CEP112: variants seen among roughly 807,000 people sequenced by gnomAD.
CEP112 encodes centrosomal protein 112.
Under a neutral mutation model 153.0 loss-of-function variants are expected in CEP112, and 127 were observed. The ratio of observed to expected loss-of-function variants is 0.83; its 90% CI spans 0.72 to 0.96. CEP112 has a LOEUF of 0.96. Ranked by LOEUF, CEP112 falls within the 40% of genes least tolerant of loss-of-function variation. The pLI, the probability that CEP112 is intolerant of heterozygous loss-of-function variation, is 0.00. For missense variants in CEP112, 1,089 were observed against 1,101.2 expected (o/e 0.99, Z 0.16); for synonymous variants, 358 against 374.4 (o/e 0.96, Z 0.51).
intron 18 of CEP112, among the ~76,000 whole-genome samples, chr17:65,958,111 G>A (rs370402313): frequency 3.7e-4 from 56 of 152,010 alleles, no homozygotes; most frequent in African/African-American, 1.3e-3. Context: ...TACTTCTTTG[G>A]GGTTCCAGGT....
At chr17:65,802,978 C>T (rs1318784044) in intron 21 of CEP112, among the ~76,000 whole-genome samples, 1 of 152,214 alleles carries the variant, frequency 6.6e-6, no homozygotes, top group Non-Finnish European at 1.5e-5. Context: ...AATGACACCA[C>T]TTGAAATCTA....
chr17:65,980,904 A>G (rs1274759172), intron 17 of CEP112, among the ~76,000 whole-genome samples: 1 of 152,064 alleles, frequency 6.6e-6, no homozygotes, highest in Non-Finnish European at 1.5e-5. Flanking sequence ...CAGCCTCCCA[A>G]GTAGCTGGGA....
At chr17:65,822,274 C>T (rs999393428) in intron 21 of CEP112, among the ~76,000 whole-genome samples, 10 of 151,856 alleles carry the variant, frequency 6.6e-5, no homozygotes, top group African/African-American at 2.4e-4. Context: ...AGATGTATGG[C>T]GTAGGACACA....
chr17:66,148,783 T>C (rs192396382), intron 4 of CEP112, among the ~76,000 whole-genome samples: 17 of 152,308 alleles, frequency 1.1e-4, no homozygotes, highest in African/African-American at 3.6e-4. Flanking sequence ...ACATATAAGA[T>C]CATGTCTGTG....
chr17:66,167,756 T>C (rs2072041182), intron 4 of CEP112, among the ~76,000 whole-genome samples: 1 of 152,234 alleles, frequency 6.6e-6, no homozygotes, highest in African/African-American at 2.4e-5. Flanking sequence ...GATCCATCAC[T>C]GGAAAAGTCA....
intron 23 of CEP112, among the ~76,000 whole-genome samples, chr17:65,703,284 G>A (rs183353907): frequency 1.1e-4 from 16 of 152,098 alleles, no homozygotes; most frequent in South Asian, 4.2e-4. Flanking sequence ...AGGCTGAGGC[G>A]GGTGGATCAT....
intron 18 of CEP112, among the ~76,000 whole-genome samples, chr17:65,934,188 CA>C (rs912589716): frequency 6.3e-4 from 88 of 139,974 alleles, no homozygotes; most frequent in Non-Finnish European, 9.3e-4. Context: ...GACTCTGTCT[CA>C]AAAAAAAAAA....
intron 24 of CEP112, among the ~76,000 whole-genome samples, chr17:65,653,704 C>A (rs2045905762): frequency 6.6e-6 from 1 of 152,044 alleles, no homozygotes. Context: ...GAGGGATGGG[C>A]CTTTATGCAG....
At chr17:66,014,569 A>T (rs1254968346) in intron 16 of CEP112, among the ~76,000 whole-genome samples, 1 of 152,076 alleles carries the variant, frequency 6.6e-6, no homozygotes, top group African/African-American at 2.4e-5. Context: ...TCCTGCCCCA[A>T]CCATCTCTCT....
At chr17:66,112,308 TA>T (rs1254939081) in intron 6 of CEP112, among the ~76,000 whole-genome samples, 3 of 150,146 alleles carry the variant, frequency 2.0e-5, no homozygotes, top group African/African-American at 7.4e-5. Flanking sequence ...ATAAAAAAAT[TA>T]AAAAAACAAT....
intron 1 of CEP112, among the ~76,000 whole-genome samples, chr17:66,183,837 G>A (rs2072818437): frequency 6.6e-6 from 1 of 151,810 alleles, no homozygotes; most frequent in Admixed American, 6.6e-5. Context: ...ATGAATCACA[G>A]ACCTAAGTGT....
chr17:65,866,252 T>C (rs1435507226), intron 20 of CEP112, among the ~76,000 whole-genome samples: 1 of 152,184 alleles, frequency 6.6e-6, no homozygotes, highest in Non-Finnish European at 1.5e-5. Flanking sequence ...CCAGGTGCTG[T>C]TGCAGCCTGG....
At chr17:65,930,105 T>C (rs2061070058) in intron 18 of CEP112, among the ~76,000 whole-genome samples, 1 of 152,240 alleles carries the variant, frequency 6.6e-6, no homozygotes, top group African/African-American at 2.4e-5. Context: ...TACCACTGGC[T>C]ACTTTATATT....
At chr17:66,031,236 T>C (rs994520234) in intron 12 of CEP112, among the ~76,000 whole-genome samples, 2 of 152,224 alleles carry the variant, frequency 1.3e-5, no homozygotes, top group Admixed American at 1.3e-4. Flanking sequence ...GCGTATTCAT[T>C]AACTGGAAGA....
intron 19 of CEP112, among the ~76,000 whole-genome samples, chr17:65,915,262 T>A (rs995067978): frequency 1.3e-5 from 2 of 152,124 alleles, no homozygotes; most frequent in African/African-American, 4.8e-5. Flanking sequence ...TTAAGTCACA[T>A]TTTAGCCCAC....
chr17:66,186,459 T>TTTCGTA (rs1274087317), intron 1 of CEP112, among the ~76,000 whole-genome samples: 1 of 151,956 alleles, frequency 6.6e-6, no homozygotes, highest in Non-Finnish European at 1.5e-5. Context: ...CCAGATAATT[T>TTTCGTA]TTCGTATTTT....
chr17:65,913,586 C>T (rs1351607853), intron 19 of CEP112: 3 of 985,274 alleles, frequency 3.0e-6, no homozygotes, highest in Non-Finnish European at 3.6e-6. Context: ...TCCATGAAAT[C>T]TGTCAATCAA....
Position 65,689,249 on chromosome 17 carries a change from A to C in CEP112, c.2608-31T>G, listed in dbSNP as rs754706161. The stretch of plus-strand genomic sequence containing the variant: ...ACGGTATAAAATAAAGATATCATTA[A>C]TAATTAGCACACTTGGAAAAATAGT... On this transcript the variant is annotated intron_variant, in intron 23 of 26. Transcript: ENST00000535342. 3 of 1,489,000 alleles carry C rather than the reference A, an allele frequency of 2.0e-6. No individual in the cohort carries two copies. In the South Asian group the frequency reaches 3.4e-5, roughly 17 times the overall value. 92.2% of individuals were successfully genotyped at this position (1,489,000 alleles called of 1,614,324 possible). A position where few individuals can be genotyped will look rare whatever the true frequency, so the allele number is the denominator to read the frequency against.
At chr17:66,007,504 T>G (rs2064325897) in intron 16 of CEP112, among the ~76,000 whole-genome samples, 1 of 152,206 alleles carries the variant, frequency 6.6e-6, no homozygotes, top group African/African-American at 2.4e-5. Context: ...CATACTATAC[T>G]AGAGTACAAA....
Sources: allele counts gnomAD v4.1 joint callset (sites outside exome capture counted in the v4.1 genomes callset), GRCh38; gene constraint gnomAD v4.1.1; transcripts MANE v1.5; gene names NCBI Gene and HGNC (gene_info 2026-07-23, HGNC 2026-07-21).